Variants in FEM1C observed in about 807,000 individuals in gnomAD.
FEM1C encodes protein fem-1 homolog C.
A neutral mutation model predicts 37.6 loss-of-function variants in FEM1C; 15 were observed. The ratio of observed to expected loss-of-function variants is 0.40; its 90% CI spans 0.27 to 0.61. The LOEUF is 0.61. Among genes scored for constraint, FEM1C ranks in the 20% least tolerant of loss-of-function variants. The pLI, the probability that FEM1C is intolerant of heterozygous loss-of-function variation, is 0.42. For synonymous variants in FEM1C, 287 were observed against 272.8 expected (o/e 1.05, Z -0.51); for missense variants, 532 against 749.7 (o/e 0.71, Z 3.39).
rs1418822861 is a variant in FEM1C at position 115,522,739 on chromosome 5, A to AT, written c.*1568_*1569insA. On this transcript the variant is annotated 3_prime_UTR_variant, in exon 3 of 3. Transcript: ENST00000274457. ...GCTCATTGAACTCACAGGTAAACTG[A>AT]GTTTTTCTCAAATCAATAAGGAGCT... is the stretch of plus-strand genomic sequence containing the variant. 2 of 152,434 alleles carry AT rather than the reference A, an allele frequency of 1.3e-5. No individual in the cohort carries two copies. The highest frequency in any genetic ancestry group is 2.9e-5 in the Non-Finnish European group (2 of 67,892). The allele number at this position is 152,434 out of a possible 1,614,324, so 9.4% of individuals were successfully genotyped here.
chr5:115,523,986 A>G lies in FEM1C; in HGVS notation c.*322T>C. ...TAAAATTCACAAACCAGTAAAGTATAAAGACACCATGGAGAAATGGTTAAC... is the reference window on the plus strand; with the variant it reads ...TAAAATTCACAAACCAGTAAAGTATGAAGACACCATGGAGAAATGGTTAAC... On this transcript the variant is annotated 3_prime_UTR_variant, in exon 3 of 3. Transcript: ENST00000274457. The G allele has an allele frequency of 4.1e-6, 1 of 244,118 alleles. No individual in the cohort carries two copies. Among genetic ancestry groups the G allele is most frequent in the Non-Finnish European group, 7.9e-6 (1 of 127,262 alleles). The allele number at this position is 244,118 out of a possible 1,614,324, so 15.1% of individuals were successfully genotyped here.
At chr5:115,543,813 C>G in intron 1 of FEM1C, 130 bp from the exon 2 acceptor site, 3 of 911,730 alleles carry the variant, frequency 3.3e-6, no homozygotes, top group Non-Finnish European at 3.8e-6. Flanking sequence ...TCCCACACAC[C>G]CCCCCCACCC....
intron 2 of FEM1C, among the ~76,000 whole-genome samples, chr5:115,535,140 G>T (rs1167322812): frequency 1.3e-5 from 2 of 151,788 alleles, no homozygotes; most frequent in African/African-American, 4.8e-5. Flanking sequence ...ATAGTAAATG[G>T]CATAGTATCA....
rs1472442801 is a variant in FEM1C, at chr5:115,524,707, A to C, written c.1455T>G (p.Pro485=). The change falls in exon 3 of 3, where the codon CCT becomes CCG. Residue 485 remains proline, a synonymous_variant. Coordinates refer to ENST00000274457, the MANE Select transcript of FEM1C (RefSeq NM_020177.3). ...LHPRGKNNFS[P]LHLAVDKNTT... Reference sequence around the variant, plus strand: ...TATTCTTGTCCACAGCCAGATGAAGAGGGCTGAAGTTATTCTTTCCCCTTG... The same window carrying C: ...TATTCTTGTCCACAGCCAGATGAAGCGGGCTGAAGTTATTCTTTCCCCTTG... The C allele has an allele frequency of 6.5e-7, 1 of 1,540,448 alleles. No individual in the cohort carries two copies. The highest frequency in any genetic ancestry group is 2.1e-5 in the Admixed American group (1 of 47,302).
intron 2 of FEM1C, among the ~76,000 whole-genome samples, chr5:115,534,931 T>C (rs760550060): frequency 6.6e-6 from 1 of 151,920 alleles, no homozygotes; most frequent in Non-Finnish European, 1.5e-5. Flanking sequence ...ACTTGCCACA[T>C]AGCTAATATA....
chr5:115,538,192 T>C (rs1283127648), intron 2 of FEM1C, among the ~76,000 whole-genome samples: 1 of 152,018 alleles, frequency 6.6e-6, no homozygotes, highest in Non-Finnish European at 1.5e-5. Flanking sequence ...TCTGTGTAAG[T>C]TAGAAAATTT....
chr5:115,531,218 T>G (rs974830073), intron 2 of FEM1C, among the ~76,000 whole-genome samples: 8 of 152,132 alleles, frequency 5.3e-5, no homozygotes, highest in Admixed American at 2.6e-4. Flanking sequence ...AAATTATATC[T>G]AATATAAAAC....
intron 2 of FEM1C, among the ~76,000 whole-genome samples, chr5:115,527,516 A>AT (rs1175650161): frequency 1.3e-5 from 2 of 152,168 alleles, no homozygotes; most frequent in Non-Finnish European, 2.9e-5. Flanking sequence ...ATCGATGTTC[A>AT]TTTGTTTAAA....
At chr5:115,544,129 G>T in intron 1 of FEM1C, 1 of 985,268 alleles carries the variant, frequency 1.0e-6, no homozygotes, top group East Asian at 1.1e-4. Context: ...CAAAAAGGTC[G>T]GACACACCAA....
chr5:115,527,963 T>C (rs1753933222), intron 2 of FEM1C, among the ~76,000 whole-genome samples: 1 of 131,980 alleles, frequency 7.6e-6, no homozygotes, highest in African/African-American at 2.9e-5. Flanking sequence ...ATCATGCCAC[T>C]GCACTCCAGC....
At position 115,526,594 on chromosome 5, in the gene FEM1C, T is replaced by C. The variant is rs116297996; in HGVS notation, c.545-977A>G. Among the ~76,000 whole-genome samples, 435 of 152,278 alleles carry C rather than the reference T, an allele frequency of 2.9e-3. 2 individuals are homozygous for C. The highest frequency in any genetic ancestry group is 0.01 in the African/African-American group (421 of 41,568). ...TTTTAGCTAAGTTTAATGATAAACA[T>C]TTTACTAATCGTCAAAATAGGAATT... On this transcript the variant is annotated intron_variant, in intron 2 of 2. Transcript: ENST00000274457.
chr5:115,528,153 T>TCACA (rs1449779637), intron 2 of FEM1C, among the ~76,000 whole-genome samples: 1 of 151,996 alleles, frequency 6.6e-6, no homozygotes, highest in Non-Finnish European at 1.5e-5. Flanking sequence ...AGGAAGACTT[T>TCACA]CACATCCAGT....
At chr5:115,540,168 C>A (rs1356248099) in intron 2 of FEM1C, among the ~76,000 whole-genome samples, 4 of 152,044 alleles carry the variant, frequency 2.6e-5, no homozygotes, top group Non-Finnish European at 5.9e-5. Flanking sequence ...GTGTCCCTGC[C>A]TTAGTTTCAA....
Position 115,543,417 on chromosome 5 carries a change from T to C in FEM1C, c.77A>G (p.Lys26Arg), listed in dbSNP as rs188084095. 38 of 1,614,178 alleles carry C rather than the reference T, an allele frequency of 2.4e-5. No individual in the cohort carries two copies. The African/African-American group carries it at 4.7e-4, about 20-fold the overall frequency. ...LRLLTKLLASKSKEEVSSLIS... is the reference protein window; with the variant it reads ...LRLLTKLLASRSKEEVSSLIS... ...CAAGGAGGAAACCTCCTCTTTGGATTTGCTTGCCAACAATTTGGTGAGAAG... is the reference window on the plus strand; with the variant it reads ...CAAGGAGGAAACCTCCTCTTTGGATCTGCTTGCCAACAATTTGGTGAGAAG... The change falls in exon 2 of 3, where the codon AAA becomes AGA. Residue 26 changes from lysine to arginine, a missense_variant. Lys to Arg is a conservative substitution (Grantham distance 26, BLOSUM62 2). Transcript: ENST00000274457.
At chr5:115,544,244 C>G (rs1234082017) in intron 1 of FEM1C, 1 of 927,468 alleles carries the variant, frequency 1.1e-6, no homozygotes, top group South Asian at 5.0e-5. Flanking sequence ...ACTTCGCCCG[C>G]CCCATTTCGA....
At position 115,524,473 on chromosome 5, in the gene FEM1C, AGTTT is replaced by A. The variant is rs1276129164; in HGVS notation, c.1685_1688del (p.Gln562LeufsTer11). 2.5e-6 allele frequency: 4 copies of A among 1,612,934 alleles called. No individual in the cohort carries two copies. The highest frequency in any genetic ancestry group is 1.7e-6 in the Non-Finnish European group (2 of 1,179,490). Reference sequence around the variant, plus strand: ...CCTTCTCATCCAGCAAGTCACTAGCAGTTTGTTTGTGCAAGTTTGTGGCATCAAA... The same window carrying A: ...CCTTCTCATCCAGCAAGTCACTAGCAGTTTGTGCAAGTTTGTGGCATCAAA... On this transcript the variant is annotated frameshift_variant, in exon 3 of 3. Coordinates refer to ENST00000274457, the MANE Select transcript of FEM1C (RefSeq NM_020177.3). LOFTEE classifies it high-confidence loss of function.
At chr5:115,536,030 A>G (rs813761) in intron 2 of FEM1C, among the ~76,000 whole-genome samples, 93,529 of 151,726 alleles carry the variant, frequency 0.62, 30,061 homozygotes, top group African/African-American at 0.8. Flanking sequence ...AAGACAGAAA[A>G]GAGATTACTG....
intron 2 of FEM1C, among the ~76,000 whole-genome samples, chr5:115,534,830 C>T (rs965422193): frequency 1.3e-5 from 2 of 151,894 alleles, no homozygotes; most frequent in Non-Finnish European, 2.9e-5. Context: ...TTCAGATCAT[C>T]TAGGCTGGAT....
rs889264745 is a variant in FEM1C, at chr5:115,521,549, G to C, written c.*2759C>G. 2.6e-5 allele frequency: 4 copies of C among 151,844 alleles called. No homozygotes were observed. Among genetic ancestry groups the C allele is most frequent in the South Asian group, 2.1e-4 (1 of 4,828 alleles). 9.4% of individuals were successfully genotyped at this position (151,844 alleles called of 1,614,324 possible). A position where few individuals can be genotyped will look rare whatever the true frequency, so the allele number is the denominator to read the frequency against. ...AAGTAGACTGGCATCTAAGTAAAATGACCATTTCTTTTATAGAAATGATCA... is the reference window on the plus strand; with the variant it reads ...AAGTAGACTGGCATCTAAGTAAAATCACCATTTCTTTTATAGAAATGATCA... On this transcript the variant is annotated 3_prime_UTR_variant, in exon 3 of 3. Coordinates refer to ENST00000274457, the MANE Select transcript of FEM1C (RefSeq NM_020177.3).
Sources: gnomAD v4.1 joint callset for allele counts (sites outside exome capture counted in the v4.1 genomes callset) on GRCh38, gnomAD v4.1.1 for gene constraint, MANE v1.5 for transcripts, NCBI Gene and HGNC (gene_info 2026-07-23, HGNC 2026-07-21) for gene names.